The following MYCBP2 variants were observed in gnomAD, a reference collection of about 807,000 sequenced individuals.
MYCBP2 encodes MYC binding protein 2, also known as E3 ubiquitin-protein ligase MYCBP2.
A neutral mutation model predicts 525.3 loss-of-function variants in MYCBP2; 120 were observed. The ratio of observed to expected loss-of-function variants is 0.23; its 90% CI spans 0.20 to 0.27. The LOEUF (loss-of-function observed/expected upper bound fraction) is 0.27, where lower values mean the gene tolerates loss of function less well. MYCBP2 is among the 10% of genes least tolerant of loss of function. The probability of loss-of-function intolerance (pLI) is 1.00; values close to 1 mark genes in which losing one functional copy is unlikely to be tolerated. For synonymous variants in MYCBP2, 1,894 were observed against 1,955.8 expected, an observed-to-expected ratio of 0.97 and a Z score of 0.83; for missense variants, 4,149 against 5,657.1, an observed-to-expected ratio of 0.73 and a Z score of 8.55.
At chr13:77,167,020 CACACA>C (rs1566781382) in intron 40 of MYCBP2, among the ~76,000 whole-genome samples, 1,568 of 106,558 alleles carry the variant, frequency 0.015, 15 homozygotes, top group Non-Finnish European at 0.018. Context: ...CACACACACA[CACACA>C]CCAAATGAAA....
At chr13:77,299,017 A>G (rs1005476400) in intron 1 of MYCBP2, among the ~76,000 whole-genome samples, 1 of 152,174 alleles carries the variant, frequency 6.6e-6, no homozygotes, top group Non-Finnish European at 1.5e-5. Flanking sequence ...ACTATTTAGG[A>G]AACCAACTTT....
chr13:77,089,867 G>A (rs1461428892), intron 60 of MYCBP2, among the ~76,000 whole-genome samples: 8 of 151,882 alleles, frequency 5.3e-5, no homozygotes, highest in Non-Finnish European at 1.0e-4. Flanking sequence ...AGATTGTAAA[G>A]GTCAATTTAT....
intron 3 of MYCBP2, among the ~76,000 whole-genome samples, chr13:77,284,679 C>T (rs1459401082): frequency 6.6e-6 from 1 of 152,158 alleles, no homozygotes; most frequent in African/African-American, 2.4e-5. Context: ...TGACAAGTAA[C>T]TCAAATTCAT....
At position 77,044,789 on chromosome 13, in the gene MYCBP2, G is replaced by A. The variant is rs565331190; in HGVS notation, c.*589C>T. On this transcript the variant is annotated 3_prime_UTR_variant, in exon 83 of 83. Transcript: ENST00000544440. ...AAATTTCAGGCTCAAACTTAACCTAGAAGTTTAAATGAAATTGCATTTGTA... is the reference window on the plus strand; with the variant it reads ...AAATTTCAGGCTCAAACTTAACCTAAAAGTTTAAATGAAATTGCATTTGTA... 103 of 398,724 alleles carry A rather than the reference G, an allele frequency of 2.6e-4. No individual in the cohort carries two copies. Among genetic ancestry groups the A allele is most frequent in the Non-Finnish European group, 4.0e-4 (90 of 225,996 alleles). 24.7% of individuals were successfully genotyped at this position (398,724 alleles called of 1,614,324 possible).
intron 55 of MYCBP2, among the ~76,000 whole-genome samples, chr13:77,105,575 AAG>A (rs1408940517): frequency 6.6e-6 from 1 of 152,092 alleles, no homozygotes; most frequent in Non-Finnish European, 1.5e-5. Context: ...TAATTTAAAA[AAG>A]GGAAGCAATC....
intron 55 of MYCBP2, among the ~76,000 whole-genome samples, chr13:77,118,863 T>G (rs1025862540): frequency 3.3e-5 from 5 of 152,162 alleles, no homozygotes; most frequent in Non-Finnish European, 5.9e-5. Flanking sequence ...AAATGATGCC[T>G]TTTCCATAGT....
At chr13:77,128,683 A>G (rs2052157892) in intron 52 of MYCBP2, among the ~76,000 whole-genome samples, 1 of 152,016 alleles carries the variant, frequency 6.6e-6, no homozygotes, top group African/African-American at 2.4e-5. Flanking sequence ...TGCTCAAGCA[A>G]TAGTAAAATA....
chr13:77,098,919 A>G lies in MYCBP2; in HGVS notation c.8235T>C (p.Asp2745=), dbSNP rs770830937. 6.2e-6 allele frequency: 10 copies of G among 1,613,692 alleles called. No individual in the cohort carries two copies. Among genetic ancestry groups the G allele is most frequent in the Non-Finnish European group, 8.5e-6 (10 of 1,179,776 alleles). ...CAGCAGTAGTCCGGCTCATACGTCCATCAGGTTTAAGCGATCTGCTGTGTT... is the reference window on the plus strand; with the variant it reads ...CAGCAGTAGTCCGGCTCATACGTCCGTCAGGTTTAAGCGATCTGCTGTGTT... The part of the protein sequence containing the change: ...SSKHSRSLKP[D]GRMSRTTADQ... The change falls in exon 56 of 83, where the codon GAT becomes GAC. Residue 2745 remains aspartate, a synonymous_variant. Transcript: ENST00000544440.
At chr13:77,078,787 T>C in intron 66 of MYCBP2, 37 bp downstream of exon 66, 1 of 1,550,510 alleles carries the variant, frequency 6.4e-7, no homozygotes, top group Non-Finnish European at 8.9e-7. Context: ...AATTTCTCTC[T>C]AGGTAGCGAA....
intron 55 of MYCBP2, among the ~76,000 whole-genome samples, chr13:77,111,938 A>G (rs991277144): frequency 6.6e-6 from 1 of 152,146 alleles, no homozygotes; most frequent in Non-Finnish European, 1.5e-5. Flanking sequence ...CAACCTCTCT[A>G]GTCTAAGACA....
At chr13:77,062,938 C>T (rs1272731476) in intron 73 of MYCBP2, among the ~76,000 whole-genome samples, 1 of 152,068 alleles carries the variant, frequency 6.6e-6, no homozygotes, top group African/African-American at 2.4e-5. Flanking sequence ...GATGAACCAC[C>T]CTGTCTTCTA....
At chr13:77,056,099 GGT>G (rs56952443) in intron 79 of MYCBP2, among the ~76,000 whole-genome samples, 16,091 of 120,098 alleles carry the variant, frequency 0.13, 889 homozygotes, top group Non-Finnish European at 0.14. Flanking sequence ...CTCTGTGTTT[GGT>G]GTGTGTGTGT....
In MYCBP2 at chr13:77,207,102, A is replaced by C. The variant is rs991046655; in HGVS notation, c.3417-277T>G. 5.3e-5 allele frequency among the ~76,000 whole-genome samples: 8 copies of C among 152,240 alleles called. No individual in the cohort carries two copies. The East Asian group carries it at 1.3e-3, about 26-fold the overall frequency. ...GACTGTATAAAGTTTTGATACATAC[A>C]TATAAATATGAAACTCAACAAATAC... On this transcript the variant is annotated intron_variant, in intron 23 of 82. Transcript: ENST00000544440.
intron 62 of MYCBP2, 90 bp downstream of exon 62, chr13:77,087,394 G>T: frequency 8.9e-7 from 1 of 1,123,666 alleles, no homozygotes; most frequent in Non-Finnish European, 1.3e-6. Flanking sequence ...TTAGATCTGC[G>T]AATGATTTCA....
chr13:77,193,518 A>G (rs934863599), intron 27 of MYCBP2, among the ~76,000 whole-genome samples: 7 of 152,174 alleles, frequency 4.6e-5, no homozygotes, highest in African/African-American at 1.7e-4. Context: ...AATTTTTCTT[A>G]TAATAATATT....
At chr13:77,073,424 A>G (rs2041729953) in intron 68 of MYCBP2, among the ~76,000 whole-genome samples, 1 of 152,168 alleles carries the variant, frequency 6.6e-6, no homozygotes, top group East Asian at 1.9e-4. Flanking sequence ...AAAAATCTAC[A>G]GTTCACATCA....
chr13:77,047,912 G>A lies in MYCBP2; in HGVS notation c.13922-2419C>T, dbSNP rs145241279. ...TAAAAACCCTGGGCCCCAGCCTCAC[G>A]GGAGCATCCTGTTTGGGCCCCCCTC... On this transcript the variant is annotated intron_variant, in intron 82 of 82. Transcript: ENST00000544440. Among the ~76,000 whole-genome samples, 255 of 152,068 alleles carry A rather than the reference G, an allele frequency of 1.7e-3. 4 individuals are homozygous for A. The highest frequency in any genetic ancestry group is 5.4e-3 in the African/African-American group (225 of 41,466).
At chr13:77,092,080 T>TGA (rs2045519703) in intron 59 of MYCBP2, among the ~76,000 whole-genome samples, 2 of 24,776 alleles carry the variant, frequency 8.1e-5, no homozygotes, top group Non-Finnish European at 2.2e-4. Context: ...GTATTTTTAA[T>TGA]GAAAAAAAAA....
At position 77,170,084 on chromosome 13, in the gene MYCBP2, A is replaced by G. The variant is rs1361809006; in HGVS notation, c.5795-370T>C. On this transcript the variant is annotated intron_variant, in intron 38 of 82. Transcript: ENST00000544440. ...TTAAATTACCATTCTGGCACCAAACATGGCTGTATCAGTGACATTAGGCAA... is the reference window on the plus strand; with the variant it reads ...TTAAATTACCATTCTGGCACCAAACGTGGCTGTATCAGTGACATTAGGCAA... 2.6e-5 allele frequency among the ~76,000 whole-genome samples: 4 copies of G among 152,198 alleles called. No individual in the cohort carries two copies. The East Asian group carries it at 7.7e-4, about 29-fold the overall frequency.
Sources: gnomAD v4.1 joint callset for allele counts (sites outside exome capture counted in the v4.1 genomes callset) on GRCh38, gnomAD v4.1.1 for gene constraint, MANE v1.5 for transcripts, NCBI Gene and HGNC (gene_info 2026-07-23, HGNC 2026-07-21) for gene names.